The following CORIN variants were observed in gnomAD, a reference collection of about 807,000 sequenced individuals.
The protein encoded by CORIN is corin, serine peptidase.
In CORIN, 117 loss-of-function variants were observed where a neutral mutation model predicts 125.3. The ratio of observed to expected loss-of-function variants is 0.93; its 90% CI spans 0.80 to 1.09. CORIN has a LOEUF of 1.09. Ranked by LOEUF, CORIN falls within the 50% of genes least tolerant of loss-of-function variation. The pLI is 0.00. For missense variants in CORIN, 1,253 were observed against 1,306.7 expected, an observed-to-expected ratio of 0.96 and a Z score of 0.63; for synonymous variants, 450 against 466.4, an observed-to-expected ratio of 0.96 and a Z score of 0.45.
At chr4:47,770,586 G>A (rs900113343) in intron 3 of CORIN, among the ~76,000 whole-genome samples, 1 of 152,128 alleles carries the variant, frequency 6.6e-6, no homozygotes, top group Admixed American at 6.5e-5. Flanking sequence ...CATGTTCACT[G>A]CAGCATTATT....
chr4:47,805,937 C>A (rs960921209), intron 2 of CORIN, among the ~76,000 whole-genome samples: 13 of 152,154 alleles, frequency 8.5e-5, no homozygotes, highest in African/African-American at 3.1e-4. Context: ...AATCCTGATT[C>A]ATATCATTAG....
intron 2 of CORIN, among the ~76,000 whole-genome samples, chr4:47,803,164 T>C (rs924315446): frequency 6.6e-6 from 1 of 152,080 alleles, no homozygotes; most frequent in African/African-American, 2.4e-5. Flanking sequence ...TAGTGAAAGA[T>C]CTTTATAATG....
At chr4:47,741,143 G>GCC (rs1728374137) in intron 5 of CORIN, among the ~76,000 whole-genome samples, 1 of 151,864 alleles carries the variant, frequency 6.6e-6, no homozygotes, top group South Asian at 2.1e-4. Flanking sequence ...AATGAAAACA[G>GCC]CCCCCGAAGA....
At chr4:47,801,057 A>G (rs1731520552) in intron 2 of CORIN, among the ~76,000 whole-genome samples, 1 of 152,122 alleles carries the variant, frequency 6.6e-6, no homozygotes, top group African/African-American at 2.4e-5. Context: ...TCCTATGCCA[A>G]TGACTTGGAA....
At chr4:47,698,382 G>A (rs1726131547) in intron 5 of CORIN, among the ~76,000 whole-genome samples, 2 of 151,774 alleles carry the variant, frequency 1.3e-5, no homozygotes, top group Non-Finnish European at 2.9e-5. Context: ...AAGATTCAAG[G>A]AAGAGCTAGT....
At chr4:47,632,729 A>AGAT (rs1553905884) in intron 16 of CORIN, among the ~76,000 whole-genome samples, 9 of 108,024 alleles carry the variant, frequency 8.3e-5, no homozygotes, top group Admixed American at 3.3e-4. Context: ...AATAGATGAT[A>AGAT]GATAGATAGA....
intron 16 of CORIN, among the ~76,000 whole-genome samples, chr4:47,630,460 CAA>C (rs953635493): frequency 1.3e-5 from 2 of 152,092 alleles, no homozygotes; most frequent in Non-Finnish European, 2.9e-5. Context: ...GTGTAGAAAG[CAA>C]AAGAGAAAAT....
chr4:47,775,468 G>A (rs2109895644), intron 3 of CORIN, among the ~76,000 whole-genome samples: 1 of 152,228 alleles, frequency 6.6e-6, no homozygotes, highest in East Asian at 1.9e-4. Context: ...AACATGGGGT[G>A]TTTGGTTTTC....
intron 4 of CORIN, among the ~76,000 whole-genome samples, chr4:47,749,007 A>T (rs1386659995): frequency 1.3e-5 from 2 of 152,188 alleles, no homozygotes; most frequent in East Asian, 3.9e-4. Context: ...TTTTGCCAGG[A>T]TCTCCATTTA....
Position 47,832,419 on chromosome 4 carries a change from TTTTC to T in CORIN, c.63+5464_63+5467del, listed in dbSNP as rs1392224052. ...CTTTACAGGAAAACTTTTTCTTTTC[TTTTC>T]TTTCTTTCTTTCTTTTCTTTTCTTT... On this transcript the variant is annotated intron_variant, in intron 1 of 21. Coordinates refer to ENST00000273857, the MANE Select transcript of CORIN (RefSeq NM_006587.4). Among the ~76,000 whole-genome samples, 626 of 151,102 alleles carry T rather than the reference TTTTC, an allele frequency of 4.1e-3. 3 individuals carry two copies. The highest frequency in any genetic ancestry group is 0.014 in the African/African-American group (578 of 40,938).
intron 13 of CORIN, among the ~76,000 whole-genome samples, chr4:47,651,187 C>T (rs527824499): frequency 6.6e-6 from 1 of 152,276 alleles, no homozygotes; most frequent in South Asian, 2.1e-4. Context: ...AACTCAATAA[C>T]CTTGTTAGAA....
intron 5 of CORIN, among the ~76,000 whole-genome samples, chr4:47,741,646 A>G (rs778169434): frequency 4.6e-5 from 7 of 152,084 alleles, no homozygotes; most frequent in Non-Finnish European, 4.4e-5. Flanking sequence ...CCAAAAGTGA[A>G]AACAGTCCAA....
intron 13 of CORIN, among the ~76,000 whole-genome samples, chr4:47,647,707 G>A (rs1252794872): frequency 6.6e-6 from 1 of 152,162 alleles, no homozygotes; most frequent in Non-Finnish European, 1.5e-5. Flanking sequence ...AGATCTGGAT[G>A]GGATCCAGGT....
intron 6 of CORIN, among the ~76,000 whole-genome samples, chr4:47,690,936 A>G (rs1725736740): frequency 6.6e-6 from 1 of 152,214 alleles, no homozygotes; most frequent in South Asian, 2.1e-4. Flanking sequence ...TTCATACAGA[A>G]GTTTTCTGAA....
chr4:47,742,455 G>A (rs1422652587), intron 5 of CORIN, among the ~76,000 whole-genome samples: 1 of 151,710 alleles, frequency 6.6e-6, no homozygotes, highest in Non-Finnish European at 1.5e-5. Flanking sequence ...CATAAAAACA[G>A]AAAATAAAGG....
At chr4:47,612,753 G>A (rs139112064) in intron 19 of CORIN, among the ~76,000 whole-genome samples, 2,782 of 152,312 alleles carry the variant, frequency 0.018, 55 homozygotes, top group Middle Eastern at 0.037. Flanking sequence ...AAAGGATTTA[G>A]GTACTGGGCA....
rs532152057 is a variant in CORIN, at chr4:47,786,989, T to C, written c.209-64A>G. ...GAAACATTACTAGAAGTGTTTATTT[T>C]AAAAAACATTAAGAAAACTCTAGAG... On this transcript the variant is annotated intron_variant, in intron 2 of 21. Transcript: ENST00000273857. The C allele has an allele frequency of 9.9e-6, 11 of 1,113,186 alleles. No homozygotes were observed. In the East Asian group the frequency reaches 2.5e-4, roughly 26 times the overall value. The allele number at this position is 1,113,186 out of a possible 1,614,324, so 69.0% of individuals were successfully genotyped here.
At chr4:47,605,154 T>C (rs1721602952) in intron 19 of CORIN, among the ~76,000 whole-genome samples, 1 of 152,182 alleles carries the variant, frequency 6.6e-6, no homozygotes, top group African/African-American at 2.4e-5. Flanking sequence ...TGTCTCACCC[T>C]TACTCTGCCC....
chr4:47,763,531 C>T lies in CORIN; in HGVS notation c.465G>A (p.Thr155=), dbSNP rs757696285. ...SQCQMLPYHA[T]LTPLLSVVRN... ...TGACAACTGAGAGGAGAGGTGTCAG[C>T]GTGGCGTGGTAGGGCAGCATCTGAC... is the stretch of plus-strand genomic sequence containing the variant. Residue 155 remains threonine (T), a synonymous_variant, in exon 4 of 22, where the codon ACG becomes ACA. Coordinates refer to ENST00000273857, the MANE Select transcript of CORIN (RefSeq NM_006587.4). The T allele has an allele frequency of 3.5e-5, 57 of 1,613,950 alleles. No individual in the cohort carries two copies. Among genetic ancestry groups the T allele is most frequent in the Non-Finnish European group, 4.4e-5 (52 of 1,180,026 alleles).
Sources: allele counts gnomAD v4.1 joint callset (sites outside exome capture counted in the v4.1 genomes callset), GRCh38; gene constraint gnomAD v4.1.1; transcripts MANE v1.5; gene names NCBI Gene and HGNC (gene_info 2026-07-23, HGNC 2026-07-21).